Variants in CDON observed in about 807,000 individuals in gnomAD.
CDON encodes cell adhesion associated, oncogene regulated.
Under a neutral mutation model 120.9 loss-of-function variants are expected in CDON, and 73 were observed. The observed-to-expected ratio is 0.60, with a 90% confidence interval of 0.50 to 0.73. The LOEUF (loss-of-function observed/expected upper bound fraction) is 0.73. Ranked by LOEUF, CDON falls within the 30% of genes least tolerant of loss-of-function variation. The pLI is 0.00. For synonymous variants in CDON, 566 were observed against 573.5 expected (o/e 0.99, Z 0.19); for missense variants, 1,470 against 1,587.3 (o/e 0.93, Z 1.26).
At chr11:125,972,514 C>T (rs959360751) in intron 18 of CDON, among the ~76,000 whole-genome samples, 8 of 152,084 alleles carry the variant, frequency 5.3e-5, no homozygotes, top group African/African-American at 1.9e-4. Context: ...CAGCATGTCA[C>T]AAGAGCCCCA....
At chr11:125,994,739 A>G in intron 13 of CDON, 132 bp downstream of exon 13, 3 of 781,102 alleles carry the variant, frequency 3.8e-6, no homozygotes, top group Non-Finnish European at 6.6e-6. Flanking sequence ...TTAGACAAAT[A>G]TTGGTGCCCT....
chr11:125,961,788 G>C lies in CDON; in HGVS notation c.3567C>G (p.Cys1189Trp). 1 of 1,614,136 alleles carries C rather than the reference G, an allele frequency of 6.2e-7. No homozygotes were observed. The part of the protein sequence containing the change: ...NVEPVPTQRT[C>W]CQDIVNDVSS... ...TGACGTCATTTACAATGTCCTGACA[G>C]CAGGTACGCTGAGTAGGGACTGGTT... The change falls in exon 19 of 20, where the codon TGC (cysteine) becomes TGG (tryptophan). Residue 1189 changes from cysteine to tryptophan, a missense_variant. By Grantham distance (215) the Cys-to-Trp change is radical (BLOSUM62 -2). Transcript: ENST00000531738.
intron 1 of CDON, among the ~76,000 whole-genome samples, chr11:126,056,916 A>C (rs1409775185): frequency 6.6e-6 from 1 of 152,166 alleles, no homozygotes; most frequent in Non-Finnish European, 1.5e-5. Flanking sequence ...TTTAAACTCA[A>C]AGAATATTAT....
At position 125,983,975 on chromosome 11, in the gene CDON, C is replaced by T. The variant is rs1483718896; in HGVS notation, c.2892G>A (p.Met964Ile). The T allele has an allele frequency of 1.2e-6, 2 of 1,614,146 alleles. No individual in the cohort carries two copies. Among genetic ancestry groups the T allele is most frequent in the Admixed American group, 3.3e-5 (2 of 60,028 alleles). The change falls in exon 16 of 20, where the codon ATG becomes ATA. Residue 964 changes from methionine (M) to isoleucine (I), a missense_variant. Physicochemically the swap from Met to Ile is conservative, Grantham distance 10 (BLOSUM62 1). Coordinates refer to ENST00000531738, the MANE Select transcript of CDON (RefSeq NM_001378964.1). Reference protein sequence around the residue: ...PATSPARSSDMLYLIVGCVLG... With the variant: ...PATSPARSSDILYLIVGCVLG... ...GCACACAGCCAACGATCAGATATAA[C>T]ATGTCACTGCTTCTGGCAGGGCTGG... is the stretch of plus-strand genomic sequence containing the variant.
chr11:125,996,404 CAA>C (rs1028699929), intron 12 of CDON, among the ~76,000 whole-genome samples: 2 of 151,882 alleles, frequency 1.3e-5, no homozygotes, highest in African/African-American at 4.8e-5. Flanking sequence ...GATAATAAAA[CAA>C]TATTTATGGC....
intron 7 of CDON, among the ~76,000 whole-genome samples, chr11:126,011,951 T>C (rs1487896877): frequency 6.6e-6 from 1 of 152,196 alleles, no homozygotes; most frequent in African/African-American, 2.4e-5. Flanking sequence ...GAAATGGGTC[T>C]CCTCCCTGCT....
chr11:126,043,391 G>A (rs931687038), intron 1 of CDON, among the ~76,000 whole-genome samples: 1 of 152,008 alleles, frequency 6.6e-6, no homozygotes, highest in Non-Finnish European at 1.5e-5. Context: ...CCCACACTGT[G>A]GAGTGTACTT....
intron 1 of CDON, among the ~76,000 whole-genome samples, chr11:126,025,211 A>G (rs570822978): frequency 1.3e-5 from 2 of 152,346 alleles, no homozygotes; most frequent in African/African-American, 4.8e-5. Flanking sequence ...TATCAAAAAA[A>G]TAAAAATAAA....
At chr11:126,048,292 AAAAAG>A (rs903584341) in intron 1 of CDON, among the ~76,000 whole-genome samples, 7 of 151,852 alleles carry the variant, frequency 4.6e-5, no homozygotes, top group Non-Finnish European at 7.4e-5. Context: ...CAAAAAAAAA[AAAAAG>A]AAAAGAAATG....
At chr11:125,973,962 C>G (rs1353216253) in intron 18 of CDON, among the ~76,000 whole-genome samples, 2 of 151,816 alleles carry the variant, frequency 1.3e-5, no homozygotes, top group Non-Finnish European at 2.9e-5. Flanking sequence ...GTGGCGTGAT[C>G]TTGGCTCATT....
chr11:126,019,163 G>A (rs1947557506), intron 4 of CDON, among the ~76,000 whole-genome samples: 1 of 152,078 alleles, frequency 6.6e-6, no homozygotes, highest in African/African-American at 2.4e-5. Context: ...ACAATGGCCA[G>A]GCACAAGTGC....
intron 10 of CDON, among the ~76,000 whole-genome samples, chr11:126,002,962 T>A (rs1428511456): frequency 6.6e-6 from 1 of 152,112 alleles, no homozygotes; most frequent in Non-Finnish European, 1.5e-5. Flanking sequence ...CTGCTGGGAA[T>A]GTTCTTTCTC....
chr11:125,960,969 C>T lies in CDON; in HGVS notation c.3768G>A (p.Glu1256=), dbSNP rs751106634. ...PPGIPLDSPT[E]VLQQPRET Reference sequence around the variant, plus strand: ...AGGTTTCCCGGGGCTGCTGAAGGACCTCTGTCGGGCTGTCTAAAGGAATGC... The same window carrying T: ...AGGTTTCCCGGGGCTGCTGAAGGACTTCTGTCGGGCTGTCTAAAGGAATGC... The change falls in exon 20 of 20, where the codon GAG becomes GAA. Residue 1256 remains glutamate, a synonymous_variant. Transcript: ENST00000531738. 1 of 1,614,208 alleles carries T rather than the reference C, an allele frequency of 6.2e-7. No homozygotes were observed. Among genetic ancestry groups the T allele is most frequent in the East Asian group, 2.2e-5 (1 of 44,888 alleles).
At chr11:126,042,494 T>C (rs1243065341) in intron 1 of CDON, among the ~76,000 whole-genome samples, 1 of 152,232 alleles carries the variant, frequency 6.6e-6, no homozygotes, top group African/African-American at 2.4e-5. Flanking sequence ...TGCAGAAACA[T>C]ATATTTTTTT....
chr11:125,989,840 G>A, intron 14 of CDON, 81 bp from the exon 15 acceptor site: 2 of 1,368,982 alleles, frequency 1.5e-6, no homozygotes, highest in South Asian at 1.2e-5. Context: ...TTTTCAGGAT[G>A]AGGCTGGAGC....
chr11:126,042,260 C>G (rs1349373849), intron 1 of CDON, among the ~76,000 whole-genome samples: 1 of 152,196 alleles, frequency 6.6e-6, no homozygotes, highest in Non-Finnish European at 1.5e-5. Context: ...TGTACAAGTA[C>G]TTAAATCAGA....
chr11:126,004,112 G>A (rs1349034489), intron 9 of CDON, 36 bp from the exon 10 acceptor site: 2 of 1,598,546 alleles, frequency 1.3e-6, no homozygotes, highest in Non-Finnish European at 1.7e-6. Flanking sequence ...AAGAAAAGCA[G>A]GAGATGGAGG....
chr11:126,056,858 T>C (rs534579810), intron 1 of CDON, among the ~76,000 whole-genome samples: 30 of 152,332 alleles, frequency 2.0e-4, no homozygotes, highest in Middle Eastern at 3.4e-3. Flanking sequence ...TTCTTCCTTT[T>C]ATGGTGGACT....
intron 1 of CDON, among the ~76,000 whole-genome samples, chr11:126,056,594 C>T (rs953073035): frequency 6.6e-6 from 1 of 152,190 alleles, no homozygotes; most frequent in Non-Finnish European, 1.5e-5. Context: ...TAACCACAGC[C>T]AAAGTCCCTT....
Sources: allele counts gnomAD v4.1 joint callset (sites outside exome capture counted in the v4.1 genomes callset), GRCh38; gene constraint gnomAD v4.1.1; transcripts MANE v1.5; gene names NCBI Gene and HGNC (gene_info 2026-07-23, HGNC 2026-07-21).